Variants in GPC6 observed in about 807,000 individuals in gnomAD.
GPC6 encodes glypican 6.
In GPC6, 14 loss-of-function variants were observed where a neutral mutation model predicts 55.2. The ratio of observed to expected loss-of-function variants is 0.25; its 90% confidence interval spans 0.17 to 0.40. The LOEUF (loss-of-function observed/expected upper bound fraction) is 0.40. Among genes scored for constraint, GPC6 ranks in the 10% least tolerant of loss-of-function variants. The pLI is 1.00. For synonymous variants in GPC6, 278 were observed against 259.6 expected (o/e 1.07, Z -0.68); for missense variants, 641 against 708.5 (o/e 0.90, Z 1.08).
chr13:94,213,142 C>T (rs1348874469), intron 4 of GPC6, among the ~76,000 whole-genome samples: 1 of 152,124 alleles, frequency 6.6e-6, no homozygotes, highest in African/African-American at 2.4e-5. Flanking sequence ...GGTGACATAG[C>T]AAGACTGTGT....
intron 4 of GPC6, among the ~76,000 whole-genome samples, chr13:94,281,172 T>G (rs376602193): frequency 2.6e-5 from 4 of 152,292 alleles, no homozygotes; most frequent in African/African-American, 9.6e-5. Flanking sequence ...CTTAAAAACA[T>G]ATCTTTTTGT....
intron 4 of GPC6, among the ~76,000 whole-genome samples, chr13:94,276,405 C>T (rs948901950): frequency 6.6e-6 from 1 of 151,996 alleles, no homozygotes; most frequent in Non-Finnish European, 1.5e-5. Flanking sequence ...GTTTAGGGGG[C>T]AGAGGTGGCA....
chr13:93,680,174 T>C (rs75931078), intron 2 of GPC6, among the ~76,000 whole-genome samples: 4,510 of 152,210 alleles, frequency 0.03, 385 homozygotes, highest in East Asian at 0.21. Flanking sequence ...CTGTGAGTCC[T>C]AATTCAATAT....
intron 1 of GPC6, among the ~76,000 whole-genome samples, chr13:93,420,006 A>G (rs1033616068): frequency 6.6e-6 from 1 of 151,876 alleles, no homozygotes; most frequent in Non-Finnish European, 1.5e-5. Context: ...CTCATTGCAT[A>G]ATATCTAATA....
chr13:93,729,872 GA>G (rs1403819167), intron 2 of GPC6, among the ~76,000 whole-genome samples: 1 of 151,958 alleles, frequency 6.6e-6, no homozygotes, highest in Admixed American at 6.6e-5. Context: ...TGCAAGAAGA[GA>G]AAAAAATGGA....
intron 3 of GPC6, among the ~76,000 whole-genome samples, chr13:94,007,004 C>G (rs1882048457): frequency 6.6e-6 from 1 of 152,108 alleles, no homozygotes; most frequent in Non-Finnish European, 1.5e-5. Context: ...ATCTTAGTTC[C>G]CTCCTTAGTC....
rs934152701 is a variant in GPC6 at position 93,864,743 on chromosome 13, G to A, written c.711+34198G>A. On this transcript the variant is annotated intron_variant, in intron 3 of 8. Coordinates refer to ENST00000377047, the MANE Select transcript of GPC6 (RefSeq NM_005708.5). ...CCTGAGGCACAATCAGGCTAAGCTA[G>A]TTGCATAAGGTCACAAAGCTAGCAA... 2.6e-5 allele frequency among the ~76,000 whole-genome samples: 4 copies of A among 151,614 alleles called. No individual in the cohort carries two copies. In the East Asian group the frequency reaches 7.8e-4, roughly 30 times the overall value.
chr13:94,331,216 A>G (rs560953565), intron 6 of GPC6, among the ~76,000 whole-genome samples: 7 of 152,302 alleles, frequency 4.6e-5, no homozygotes, highest in African/African-American at 1.7e-4. Flanking sequence ...ATTTTAATAA[A>G]TAAAGCTTTA....
At chr13:94,346,682 C>T (rs1278163390) in intron 6 of GPC6, among the ~76,000 whole-genome samples, 2 of 149,364 alleles carry the variant, frequency 1.3e-5, no homozygotes, top group East Asian at 4.0e-4. Context: ...GATCATGCTA[C>T]TGCACTCCGG....
At chr13:94,246,082 C>A (rs1387448785) in intron 4 of GPC6, among the ~76,000 whole-genome samples, 1 of 151,970 alleles carries the variant, frequency 6.6e-6, no homozygotes. Flanking sequence ...TATCTCATAG[C>A]AGTTTTTGTT....
intron 1 of GPC6, among the ~76,000 whole-genome samples, chr13:93,328,189 T>C (rs757991671): frequency 6.6e-6 from 1 of 152,186 alleles, no homozygotes; most frequent in Non-Finnish European, 1.5e-5. Context: ...AACACTTACA[T>C]GCATGATGTT....
At chr13:93,968,865 A>G (rs1880160936) in intron 3 of GPC6, among the ~76,000 whole-genome samples, 1 of 152,162 alleles carries the variant, frequency 6.6e-6, no homozygotes, top group African/African-American at 2.4e-5. Flanking sequence ...TCAAGGATCA[A>G]TATAGAATTA....
chr13:93,890,261 T>C lies in GPC6; in HGVS notation c.711+59716T>C, dbSNP rs143634305. On this transcript the variant is annotated intron_variant, in intron 3 of 8. Coordinates refer to ENST00000377047, the MANE Select transcript of GPC6 (RefSeq NM_005708.5). Reference sequence around the variant, plus strand: ...CACTAGGATGCTTTACACATCTTCTTTGTGGTACTTAACACTGTAGGTTTA... The same window carrying C: ...CACTAGGATGCTTTACACATCTTCTCTGTGGTACTTAACACTGTAGGTTTA... Among the ~76,000 whole-genome samples the C allele has an allele frequency of 2.2e-3, 336 of 152,244 alleles. 3 individuals are homozygous for C. The highest frequency in any genetic ancestry group is 7.8e-3 in the African/African-American group (326 of 41,578).
intron 4 of GPC6, among the ~76,000 whole-genome samples, chr13:94,177,849 C>G (rs923016442): frequency 6.6e-6 from 1 of 151,982 alleles, no homozygotes; most frequent in Non-Finnish European, 1.5e-5. Flanking sequence ...AGTATAAAGA[C>G]AACTTAATCA....
At chr13:93,734,024 G>A (rs956430116) in intron 2 of GPC6, among the ~76,000 whole-genome samples, 3 of 152,104 alleles carry the variant, frequency 2.0e-5, no homozygotes, top group Non-Finnish European at 2.9e-5. Flanking sequence ...TTAAGGTTTA[G>A]CCACCTTAAA....
At chr13:93,438,458 T>C (rs577626180) in intron 1 of GPC6, among the ~76,000 whole-genome samples, 1 of 152,010 alleles carries the variant, frequency 6.6e-6, no homozygotes, top group African/African-American at 2.4e-5. Flanking sequence ...TTAACAGGAG[T>C]TTGGAAGAAG....
At chr13:93,831,188 A>G (rs1485697212) in intron 3 of GPC6, among the ~76,000 whole-genome samples, 1 of 152,206 alleles carries the variant, frequency 6.6e-6, no homozygotes, top group Non-Finnish European at 1.5e-5. Context: ...GGGCTTATGA[A>G]TAAGATCAAT....
At chr13:94,043,256 G>A (rs1460041602) in intron 4 of GPC6, among the ~76,000 whole-genome samples, 1 of 151,768 alleles carries the variant, frequency 6.6e-6, no homozygotes, top group Non-Finnish European at 1.5e-5. Context: ...CGATGCTACT[G>A]GAGGGTCATT....
intron 4 of GPC6, among the ~76,000 whole-genome samples, chr13:94,126,603 C>T (rs1886825047): frequency 6.6e-6 from 1 of 152,088 alleles, no homozygotes; most frequent in Admixed American, 6.6e-5. Flanking sequence ...GCATCCTAGG[C>T]ATTTAATGTC....
Sources: allele counts gnomAD v4.1 joint callset (sites outside exome capture counted in the v4.1 genomes callset), GRCh38; gene constraint gnomAD v4.1.1; transcripts MANE v1.5; gene names NCBI Gene and HGNC (gene_info 2026-07-23, HGNC 2026-07-21).